KIAA1328: variants seen among roughly 807,000 people sequenced by gnomAD.
The protein encoded by KIAA1328 is KIAA1328.
In KIAA1328, 52 loss-of-function variants were observed where a neutral mutation model predicts 68.1. That is an observed-to-expected ratio of 0.76 (90% CI 0.61 to 0.96). The LOEUF (loss-of-function observed/expected upper bound fraction) is 0.96. Ranked by LOEUF, KIAA1328 falls within the 40% of genes least tolerant of loss-of-function variation. KIAA1328 has a pLI of 0.00. For missense variants in KIAA1328, 641 were observed against 677.6 expected (o/e 0.95, Z 0.60); for synonymous variants, 232 against 239.4 (o/e 0.97, Z 0.28).
intron 4 of KIAA1328, among the ~76,000 whole-genome samples, chr18:36,883,599 G>A (rs916193029): frequency 6.6e-6 from 1 of 152,122 alleles, no homozygotes. Flanking sequence ...GTAAAGAAAA[G>A]TCCTGCATCA....
At chr18:37,113,674 T>G (rs1222912580) in intron 7 of KIAA1328, among the ~76,000 whole-genome samples, 3 of 151,990 alleles carry the variant, frequency 2.0e-5, no homozygotes, top group Admixed American at 2.0e-4. Flanking sequence ...ACCTTAAATG[T>G]AAATGGGCTA....
rs367584528 is a variant in KIAA1328, at chr18:36,974,982, T to C, written c.576+15547T>C. ...GATCTGGAACCAGTTCTATCGGTCA[T>C]GGTATATAAACAGCCAGATTAGTAG... On this transcript the variant is annotated intron_variant, in intron 6 of 9. Transcript: ENST00000280020. 9.3e-4 allele frequency among the ~76,000 whole-genome samples: 142 copies of C among 152,288 alleles called. 2 individuals carry two copies. In the South Asian group the frequency reaches 0.029, roughly 31 times the overall value.
At chr18:37,112,216 C>T (rs2057952689) in intron 7 of KIAA1328, among the ~76,000 whole-genome samples, 1 of 152,312 alleles carries the variant, frequency 6.6e-6, no homozygotes, top group South Asian at 2.1e-4. Flanking sequence ...AATGGACAGA[C>T]TGCCTCCTGA....
chr18:37,193,797 A>G (rs1286471976), intron 9 of KIAA1328: 1 of 597,974 alleles, frequency 1.7e-6, no homozygotes. Flanking sequence ...TTCATAGGGT[A>G]TATTTTCTGA....
intron 4 of KIAA1328, among the ~76,000 whole-genome samples, chr18:36,848,317 G>GT (rs1314360741): frequency 2.0e-5 from 3 of 151,332 alleles, no homozygotes; most frequent in South Asian, 2.1e-4. Flanking sequence ...TTATACTATT[G>GT]TAAGTGGTGT....
chr18:36,945,871 C>T (rs2050880734), intron 5 of KIAA1328, among the ~76,000 whole-genome samples: 1 of 152,102 alleles, frequency 6.6e-6, no homozygotes, highest in Non-Finnish European at 1.5e-5. Context: ...GTAGTATTTG[C>T]TAATTGTTAT....
At chr18:37,065,828 C>T (rs1343851920) in intron 6 of KIAA1328, among the ~76,000 whole-genome samples, 3 of 152,166 alleles carry the variant, frequency 2.0e-5, no homozygotes, top group East Asian at 1.9e-4. Context: ...AATCTAGATA[C>T]ACCATGTTTC....
intron 7 of KIAA1328, among the ~76,000 whole-genome samples, chr18:37,127,965 A>C (rs1022696704): frequency 6.6e-6 from 1 of 152,162 alleles, no homozygotes; most frequent in Non-Finnish European, 1.5e-5. Flanking sequence ...AATTCCATGG[A>C]GGAAAGAAAT....
intron 7 of KIAA1328, among the ~76,000 whole-genome samples, chr18:37,158,830 A>G (rs770634395): frequency 6.6e-6 from 1 of 152,100 alleles, no homozygotes; most frequent in East Asian, 1.9e-4. Context: ...GGGGAAGCCA[A>G]TGGTTGGGGT....
At chr18:37,198,394 A>C (rs2060043007) in intron 9 of KIAA1328, among the ~76,000 whole-genome samples, 1 of 152,210 alleles carries the variant, frequency 6.6e-6, no homozygotes, top group Non-Finnish European at 1.5e-5. Context: ...GCCACATTGT[A>C]TGCTGCAGTG....
At chr18:37,121,416 T>TTCTATCTA (rs59343128) in intron 7 of KIAA1328, among the ~76,000 whole-genome samples, 19,616 of 148,724 alleles carry the variant, frequency 0.13, 1,339 homozygotes, top group Admixed American at 0.16. Context: ...ATTTTAGGAC[T>TTCTATCTA]TCTATCTATC....
intron 7 of KIAA1328, among the ~76,000 whole-genome samples, chr18:37,138,652 A>G (rs2058697128): frequency 6.6e-6 from 1 of 152,014 alleles, no homozygotes; most frequent in Non-Finnish European, 1.5e-5. Context: ...CTCTTCTTGC[A>G]AGCTTCCTGT....
intron 7 of KIAA1328, among the ~76,000 whole-genome samples, chr18:37,137,828 A>G (rs1478672964): frequency 6.6e-6 from 1 of 152,108 alleles, no homozygotes; most frequent in Non-Finnish European, 1.5e-5. Flanking sequence ...CAGTAACTCT[A>G]CAATCTTTAT....
intron 5 of KIAA1328, among the ~76,000 whole-genome samples, chr18:36,908,629 C>T (rs889237316): frequency 9.2e-5 from 14 of 152,092 alleles, no homozygotes; most frequent in African/African-American, 1.9e-4. Context: ...TGTGAGCTAC[C>T]GCACCTGGCC....
At chr18:36,978,450 CA>C in intron 6 of KIAA1328, among the ~76,000 whole-genome samples, 1 of 152,190 alleles carries the variant, frequency 6.6e-6, no homozygotes, top group East Asian at 1.9e-4. Context: ...TGCATATTGC[CA>C]GCGAAGGGCC....
intron 5 of KIAA1328, among the ~76,000 whole-genome samples, chr18:36,929,383 G>C (rs2050233153): frequency 6.6e-6 from 1 of 151,304 alleles, no homozygotes; most frequent in Non-Finnish European, 1.5e-5. Context: ...TGTGTGGTTT[G>C]AGTTATTCTA....
intron 6 of KIAA1328, among the ~76,000 whole-genome samples, chr18:36,987,353 G>A (rs1357268853): frequency 1.4e-5 from 2 of 146,578 alleles, no homozygotes; most frequent in African/African-American, 2.5e-5. Flanking sequence ...GGGGATGGGG[G>A]AGGGGTAGCA....
chr18:37,117,425 A>T (rs1417189512), intron 7 of KIAA1328, among the ~76,000 whole-genome samples: 1 of 152,212 alleles, frequency 6.6e-6, no homozygotes, highest in Non-Finnish European at 1.5e-5. Flanking sequence ...TCTCACTCAT[A>T]GGTGGGAATT....
chr18:37,158,720 T>A (rs1291800568), intron 7 of KIAA1328, among the ~76,000 whole-genome samples: 1 of 152,136 alleles, frequency 6.6e-6, no homozygotes, highest in Non-Finnish European at 1.5e-5. Context: ...CAAGGTGGAA[T>A]TTTGAATAAA....
Sources: gnomAD v4.1 joint callset for allele counts (sites outside exome capture counted in the v4.1 genomes callset) on GRCh38, gnomAD v4.1.1 for gene constraint, MANE v1.5 for transcripts, NCBI Gene and HGNC (gene_info 2026-07-23, HGNC 2026-07-21) for gene names.